Variants in MINDY2 observed in about 807,000 individuals in gnomAD.
MINDY2 encodes MINDY lysine 48 deubiquitinase 2.
Under a neutral mutation model 68.2 loss-of-function variants are expected in MINDY2, and 52 were observed. That is an observed-to-expected ratio of 0.76 (90% CI 0.61 to 0.96). The LOEUF is 0.96. Ranked by LOEUF, MINDY2 falls within the 40% of genes least tolerant of loss-of-function variation. The pLI is 0.00. For synonymous variants in MINDY2, 372 were observed against 303.0 expected (o/e 1.23, Z -2.36); for missense variants, 881 against 773.4 (o/e 1.14, Z -1.65).
chr15:58,840,207 C>A (rs547940393), intron 6 of MINDY2, among the ~76,000 whole-genome samples: 97 of 152,256 alleles, frequency 6.4e-4, no homozygotes, highest in African/African-American at 2.2e-3. Flanking sequence ...TCAAACTGAT[C>A]CATTTTTTGT....
intron 2 of MINDY2, among the ~76,000 whole-genome samples, chr15:58,795,412 G>C (rs1902216213): frequency 6.6e-6 from 1 of 151,826 alleles, no homozygotes; most frequent in South Asian, 2.1e-4. Flanking sequence ...ATTTTGTTTT[G>C]TTTTGTTTTT....
At position 58,858,807 on chromosome 15, in the gene MINDY2, A is replaced by G. The variant is rs2033137085; in HGVS notation, c.*4197A>G. 1 of 152,162 alleles carries G rather than the reference A, an allele frequency of 6.6e-6. No individual in the cohort carries two copies. Among genetic ancestry groups the G allele is most frequent in the Admixed American group, 6.5e-5 (1 of 15,282 alleles). The allele number at this position is 152,162 out of a possible 1,614,324, so 9.4% of individuals were successfully genotyped here. On this transcript the variant is annotated 3_prime_UTR_variant, in exon 9 of 9. Coordinates refer to ENST00000559228, the MANE Select transcript of MINDY2 (RefSeq NM_001040450.3). The stretch of plus-strand genomic sequence containing the variant: ...GATAAAATAAGATGGAGGCATTACA[A>G]ATAGTCTACAGTTTGTATTTTAAGG...
At chr15:58,827,698 C>T (rs564640683) in intron 5 of MINDY2, among the ~76,000 whole-genome samples, 32 of 152,178 alleles carry the variant, frequency 2.1e-4, no homozygotes, top group Admixed American at 1.8e-3. Context: ...GTGATTCTCC[C>T]GCCTCGTCCT....
At chr15:58,774,491 A>AG (rs1395552231) in intron 1 of MINDY2, among the ~76,000 whole-genome samples, 2 of 140,328 alleles carry the variant, frequency 1.4e-5, no homozygotes, top group Admixed American at 7.0e-5. Flanking sequence ...TCCCAAAAAA[A>AG]GAAAAAAAAA....
intron 3 of MINDY2, among the ~76,000 whole-genome samples, chr15:58,805,719 C>G (rs576354119): frequency 6.6e-6 from 1 of 151,978 alleles, no homozygotes; most frequent in African/African-American, 2.4e-5. Context: ...AAAATACTTA[C>G]CCAAGAGTTT....
chr15:58,813,712 A>G (rs1261676629), intron 4 of MINDY2, among the ~76,000 whole-genome samples: 2 of 150,920 alleles, frequency 1.3e-5, no homozygotes. Context: ...AGCTGGGACT[A>G]CAGGCATGCA....
intron 4 of MINDY2, among the ~76,000 whole-genome samples, chr15:58,816,752 C>G (rs1011103979): frequency 6.6e-6 from 1 of 152,086 alleles, no homozygotes; most frequent in Non-Finnish European, 1.5e-5. Flanking sequence ...GAAACTGTTT[C>G]CTACAACTCA....
At position 58,843,519 on chromosome 15, in the gene MINDY2, T is replaced by C. The variant is rs149893910; in HGVS notation, c.1369-3778T>C. 1.8e-3 allele frequency among the ~76,000 whole-genome samples: 270 copies of C among 152,286 alleles called. 3 individuals are homozygous for C. In the East Asian group the frequency reaches 0.039, roughly 22 times the overall value. On this transcript the variant is annotated intron_variant, in intron 6 of 8. Transcript: ENST00000559228. ...TATTTAGCCAGTGCTTTCCTCCATATTGGATCACAAAAGAACACGGAATGA... is the reference window on the plus strand; with the variant it reads ...TATTTAGCCAGTGCTTTCCTCCATACTGGATCACAAAAGAACACGGAATGA...
chr15:58,849,733 T>G (rs1402422246), intron 7 of MINDY2, among the ~76,000 whole-genome samples: 1 of 152,176 alleles, frequency 6.6e-6, no homozygotes, highest in Non-Finnish European at 1.5e-5. Context: ...ACAAGATCTT[T>G]CCAGGCAACA....
At chr15:58,783,154 C>T (rs1167644766) in intron 1 of MINDY2, among the ~76,000 whole-genome samples, 10 of 151,954 alleles carry the variant, frequency 6.6e-5, no homozygotes, top group African/African-American at 2.2e-4. Context: ...CTCCTAACCT[C>T]AGGTGATCCG....
intron 4 of MINDY2, chr15:58,815,521 G>A (rs1267102596): frequency 6.6e-6 from 1 of 151,784 alleles, no homozygotes; most frequent in Non-Finnish European, 1.5e-5. Flanking sequence ...GGCAATTTTT[G>A]TATTTTTTAT....
intron 4 of MINDY2, chr15:58,817,547 A>T (rs1480379391): frequency 6.6e-6 from 1 of 152,196 alleles, no homozygotes; most frequent in Non-Finnish European, 1.5e-5. Flanking sequence ...AACATGGTGA[A>T]ACCTTGTCTC....
At chr15:58,773,135 G>GAAA (rs5812950) in intron 1 of MINDY2, among the ~76,000 whole-genome samples, 2 of 150,236 alleles carry the variant, frequency 1.3e-5, no homozygotes, top group African/African-American at 2.4e-5. Context: ...TGTTTCCTAG[G>GAAA]AAAAAAAAAC....
chr15:58,837,968 CAAAAAAA>C (rs34909401), intron 6 of MINDY2, among the ~76,000 whole-genome samples: 99 of 75,128 alleles, frequency 1.3e-3, no homozygotes, highest in South Asian at 2.4e-3. Flanking sequence ...GACCTTCTTT[CAAAAAAA>C]AAAAAAAAAA....
chr15:58,804,632 CCT>C (rs1459708862), intron 3 of MINDY2, among the ~76,000 whole-genome samples: 4 of 151,736 alleles, frequency 2.6e-5, no homozygotes, highest in Non-Finnish European at 5.9e-5. Context: ...ATGGCAAAAC[CCT>C]GTCTCTACAA....
chr15:58,775,558 C>G (rs1305922847), intron 1 of MINDY2, among the ~76,000 whole-genome samples: 1 of 152,088 alleles, frequency 6.6e-6, no homozygotes, highest in African/African-American at 2.4e-5. Flanking sequence ...GCAGATAGCG[C>G]TTTGGTTAGA....
intron 2 of MINDY2, among the ~76,000 whole-genome samples, chr15:58,790,873 T>G (rs749643001): frequency 1.4e-4 from 21 of 152,036 alleles, no homozygotes; most frequent in Non-Finnish European, 2.5e-4. Context: ...TTTAGATGTT[T>G]ATTTACATCA....
chr15:58,776,736 G>A (rs1480516606), intron 1 of MINDY2, among the ~76,000 whole-genome samples: 1 of 152,084 alleles, frequency 6.6e-6, no homozygotes, highest in East Asian at 1.9e-4. Flanking sequence ...AAGATAGAGA[G>A]GTAGGCCGTG....
intron 5 of MINDY2, among the ~76,000 whole-genome samples, chr15:58,830,543 A>G (rs2031654963): frequency 6.6e-6 from 1 of 152,144 alleles, no homozygotes; most frequent in Non-Finnish European, 1.5e-5. Context: ...TCCACACCCA[A>G]AACCCTTCTG....
Sources: allele counts gnomAD v4.1 joint callset (sites outside exome capture counted in the v4.1 genomes callset), GRCh38; gene constraint gnomAD v4.1.1; transcripts MANE v1.5; gene names NCBI Gene and HGNC (gene_info 2026-07-23, HGNC 2026-07-21).